NCALD: variants seen among roughly 807,000 people sequenced by gnomAD.
NCALD encodes neurocalcin delta.
In NCALD, 10 loss-of-function variants were observed where a neutral mutation model predicts 18.6. That is an observed-to-expected ratio of 0.54 (90% CI 0.33 to 0.91). The LOEUF (loss-of-function observed/expected upper bound fraction) is 0.91. NCALD is among the 40% of genes least tolerant of loss of function. The pLI is 0.03. For synonymous variants in NCALD, 88 were observed against 87.4 expected (o/e 1.01, Z -0.04); for missense variants, 184 against 247.6 (o/e 0.74, Z 1.72).
chr8:101,730,800 T>C (rs1816794287), intron 1 of NCALD, among the ~76,000 whole-genome samples: 1 of 152,206 alleles, frequency 6.6e-6, no homozygotes, highest in Admixed American at 6.5e-5. Context: ...TAGAATTTAT[T>C]GCAAAGAGGT....
In NCALD at chr8:101,886,109, G is replaced by A. The variant is rs76812682; in HGVS notation, c.-20+1032C>T. ...AAAAAAACATTAGATTTTGTTTAAC[G>A]TGACTTCAAATATTTCATTACTCTT... On this transcript the variant is annotated intron_variant, in intron 4 of 6. Coordinates refer to the NCALD transcript ENST00000311028. Among the ~76,000 whole-genome samples, 25 of 152,268 alleles carry A rather than the reference G, an allele frequency of 1.6e-4. No homozygotes were observed. The East Asian group carries it at 4.6e-3, about 28-fold the overall frequency.
chr8:101,925,958 T>C (rs73696579), intron 2 of NCALD, among the ~76,000 whole-genome samples: 7,702 of 151,928 alleles, frequency 0.051, 599 homozygotes, highest in African/African-American at 0.17. Context: ...TCCTCAGGAG[T>C]CCCCTGCAAT....
At chr8:101,891,012 G>C (rs1000129422) in intron 3 of NCALD, among the ~76,000 whole-genome samples, 2 of 152,146 alleles carry the variant, frequency 1.3e-5, no homozygotes, top group African/African-American at 2.4e-5. Flanking sequence ...GTACACCTTA[G>C]AAACATAATG....
At chr8:102,015,310 T>G (rs1462293668) in intron 2 of NCALD, among the ~76,000 whole-genome samples, 1 of 152,172 alleles carries the variant, frequency 6.6e-6, no homozygotes, top group Non-Finnish European at 1.5e-5. Context: ...ATAAAGCTAT[T>G]CTATTGCAAC....
At chr8:101,816,295 G>A (rs1813493757) in intron 4 of NCALD, among the ~76,000 whole-genome samples, 2 of 152,098 alleles carry the variant, frequency 1.3e-5, no homozygotes, top group African/African-American at 4.8e-5. Context: ...ATGCAAGAAG[G>A]AGACTCTAAT....
At chr8:101,919,959 T>C (rs558001816) in intron 2 of NCALD, among the ~76,000 whole-genome samples, 6 of 152,172 alleles carry the variant, frequency 3.9e-5, no homozygotes, top group African/African-American at 9.6e-5. Flanking sequence ...TCAACCCCCA[T>C]AGAAAAGCAG....
At chr8:101,949,868 G>A (rs1347164135) in intron 2 of NCALD, among the ~76,000 whole-genome samples, 1 of 152,136 alleles carries the variant, frequency 6.6e-6, no homozygotes, top group East Asian at 1.9e-4. Flanking sequence ...CATTGAGTCA[G>A]AAAGGGTTAT....
chr8:101,709,440 G>C (rs1815683900), intron 2 of NCALD, among the ~76,000 whole-genome samples: 2 of 152,322 alleles, frequency 1.3e-5, no homozygotes, highest in South Asian at 4.1e-4. Flanking sequence ...TAAGGATAAA[G>C]AATGCAGCGT....
At chr8:101,892,767 T>G (rs532675847) in intron 3 of NCALD, among the ~76,000 whole-genome samples, 26 of 150,010 alleles carry the variant, frequency 1.7e-4, no homozygotes, top group Non-Finnish European at 3.1e-4. Flanking sequence ...GTATCAGCAA[T>G]GGAAGATGAA....
At chr8:101,984,493 T>G (rs1245828828) in intron 2 of NCALD, among the ~76,000 whole-genome samples, 1 of 152,238 alleles carries the variant, frequency 6.6e-6, no homozygotes, top group Non-Finnish European at 1.5e-5. Flanking sequence ...AAAAAGCATT[T>G]GCTTAACCCA....
At position 101,801,643 on chromosome 8, in the gene NCALD, C is replaced by CTTTTTCTTTT. The variant is rs1563783000; in HGVS notation, c.-19-81996_-19-81995insAAAAGAAAAA. Among the ~76,000 whole-genome samples the CTTTTTCTTTT allele has an allele frequency of 8.2e-4, 36 of 44,146 alleles. 1 individual carries two copies. The highest frequency in any genetic ancestry group is 1.8e-3 in the Non-Finnish European group (32 of 17,864). The allele number at this position is 44,146 out of a possible 152,430, so 29.0% of individuals were successfully genotyped here. ...TCTCTATGATTTACAAGCACACTTA[C>CTTTTTCTTTT]TTTTTTTTTTTTTTTTTTTTTTTTT... On this transcript the variant is annotated intron_variant, in intron 4 of 6. Transcript: ENST00000311028.
At chr8:101,895,838 C>A (rs944811349) in intron 3 of NCALD, among the ~76,000 whole-genome samples, 2 of 146,624 alleles carry the variant, frequency 1.4e-5, no homozygotes, top group Non-Finnish European at 3.0e-5. Flanking sequence ...AGGCGAACTA[C>A]AAACCACTGC....
rs546703748 is a variant in NCALD, at chr8:101,861,844, G to A, written c.-20+25297C>T. On this transcript the variant is annotated intron_variant, in intron 4 of 6. Coordinates refer to the NCALD transcript ENST00000311028. ...AAAAGTAGGTGCCTTGTTGACATAA[G>A]TTAGCTGTTAAGGCTGCGTGTGTTC... 2.6e-5 allele frequency among the ~76,000 whole-genome samples: 4 copies of A among 152,286 alleles called. No individual in the cohort carries two copies. In the East Asian group the frequency reaches 7.7e-4, roughly 29 times the overall value.
At chr8:102,077,017 C>T (rs984315374) in intron 1 of NCALD, among the ~76,000 whole-genome samples, 1 of 152,108 alleles carries the variant, frequency 6.6e-6, no homozygotes, top group Non-Finnish European at 1.5e-5. Flanking sequence ...CCATTCACGC[C>T]CCTTCCCTTA....
At chr8:101,714,370 C>T (rs187190619) in intron 2 of NCALD, among the ~76,000 whole-genome samples, 59 of 152,286 alleles carry the variant, frequency 3.9e-4, no homozygotes, top group Non-Finnish European at 3.5e-4. Context: ...AGAGCCAAAT[C>T]ATGAGCAAAC....
chr8:101,842,302 A>G (rs753856406), intron 4 of NCALD, among the ~76,000 whole-genome samples: 48 of 151,930 alleles, frequency 3.2e-4, no homozygotes, highest in Non-Finnish European at 5.9e-4. Flanking sequence ...TGCAAGGAGG[A>G]CACAATTCAC....
chr8:101,762,900 A>C (rs1811175720), intron 1 of NCALD, among the ~76,000 whole-genome samples: 1 of 152,214 alleles, frequency 6.6e-6, no homozygotes, highest in African/African-American at 2.4e-5. Context: ...AAAATGGACA[A>C]TAGATGCTCA....
intron 1 of NCALD, among the ~76,000 whole-genome samples, chr8:101,785,677 A>G (rs1812196529): frequency 6.6e-6 from 1 of 152,172 alleles, no homozygotes. Flanking sequence ...ATTTTTGGAA[A>G]TATCACTAAT....
chr8:101,690,035 T>A (rs1814648150), intron 3 of NCALD, among the ~76,000 whole-genome samples: 1 of 151,982 alleles, frequency 6.6e-6, no homozygotes. Context: ...AACCCATGGG[T>A]TTCTGCCTCT....
Sources: gnomAD v4.1 joint callset for allele counts (sites outside exome capture counted in the v4.1 genomes callset) on GRCh38, gnomAD v4.1.1 for gene constraint, MANE v1.5 for transcripts, NCBI Gene and HGNC (gene_info 2026-07-23, HGNC 2026-07-21) for gene names.